The following TLL2 variants were observed in gnomAD, a reference collection of about 807,000 sequenced individuals.
TLL2 encodes tolloid-like protein 2.
Under a neutral mutation model 123.0 loss-of-function variants are expected in TLL2, and 106 were observed. That is an observed-to-expected ratio of 0.86 (90% confidence interval 0.74 to 1.01). The LOEUF is 1.01. Ranked by LOEUF, TLL2 falls within the 50% of genes least tolerant of loss-of-function variation. TLL2 has a pLI of 0.00. For synonymous variants in TLL2, 494 were observed against 516.8 expected (o/e 0.96, Z 0.60); for missense variants, 1,332 against 1,336.7 (o/e 1.00, Z 0.06).
At chr10:96,495,927 G>A (rs1246135290) in intron 1 of TLL2, among the ~76,000 whole-genome samples, 1 of 152,114 alleles carries the variant, frequency 6.6e-6, no homozygotes, top group Non-Finnish European at 1.5e-5. Flanking sequence ...AAACAGATTT[G>A]GTGCAAGTTT....
At chr10:96,390,666 G>A (rs1846278290) in intron 13 of TLL2, among the ~76,000 whole-genome samples, 1 of 152,242 alleles carries the variant, frequency 6.6e-6, no homozygotes, top group African/African-American at 2.4e-5. Flanking sequence ...TTCTTTCACT[G>A]GAGAAGTTCT....
At chr10:96,419,455 G>A (rs1846598598) in intron 7 of TLL2, among the ~76,000 whole-genome samples, 1 of 151,510 alleles carries the variant, frequency 6.6e-6, no homozygotes, top group South Asian at 2.1e-4. Context: ...CTAGAACCCG[G>A]CTTCTGCCTC....
intron 13 of TLL2, among the ~76,000 whole-genome samples, chr10:96,392,613 G>A (rs369274665): frequency 5.1e-4 from 77 of 152,280 alleles, no homozygotes; most frequent in African/African-American, 1.8e-3. Flanking sequence ...CCAGCTTACA[G>A]AACCTGGGGT....
At chr10:96,393,691 G>A (rs1846310918) in intron 13 of TLL2, among the ~76,000 whole-genome samples, 1 of 151,832 alleles carries the variant, frequency 6.6e-6, no homozygotes. Flanking sequence ...AAGCTGACCT[G>A]CTTTCAAAAT....
Position 96,513,706 on chromosome 10 carries a change from G to T in TLL2, c.-21C>A. 6.7e-7 allele frequency: 1 copy of T among 1,487,498 alleles called. No individual in the cohort carries two copies. The highest frequency in any genetic ancestry group is 2.4e-4 in the Middle Eastern group (1 of 4,238). The allele number at this position is 1,487,498 out of a possible 1,614,324, so 92.1% of individuals were successfully genotyped here. A position where few individuals can be genotyped will look rare whatever the true frequency, so the allele number is the denominator to read the frequency against. ...GGCATGGTGGCGCGGGGCCGGCTGG[G>T]GCAGAGGGAGTTGCGTGCACGAAAG... On this transcript the variant is annotated 5_prime_UTR_variant, in exon 1 of 21. Coordinates refer to ENST00000357947, the MANE Select transcript of TLL2 (RefSeq NM_012465.4).
chr10:96,440,647 A>T (rs1374678951), intron 3 of TLL2, among the ~76,000 whole-genome samples: 1 of 152,232 alleles, frequency 6.6e-6, no homozygotes, highest in Non-Finnish European at 1.5e-5. Flanking sequence ...GCTGTGCTGC[A>T]TATACATGTG....
chr10:96,465,550 CAGA>C (rs1242446638), intron 2 of TLL2, among the ~76,000 whole-genome samples: 1 of 152,178 alleles, frequency 6.6e-6, no homozygotes, highest in South Asian at 2.1e-4. Flanking sequence ...AAAGAGGCAC[CAGA>C]AGAAGGATCT....
At chr10:96,411,078 C>A (rs2134070376) in intron 8 of TLL2, among the ~76,000 whole-genome samples, 1 of 151,952 alleles carries the variant, frequency 6.6e-6, no homozygotes, top group African/African-American at 2.4e-5. Flanking sequence ...CCCATCTCTA[C>A]TAAAAATACA....
At chr10:96,389,473 C>A (rs752560072) in intron 13 of TLL2, among the ~76,000 whole-genome samples, 2 of 151,958 alleles carry the variant, frequency 1.3e-5, no homozygotes, top group Non-Finnish European at 2.9e-5. Context: ...GGAAGGGAGA[C>A]AAGGCAAGAA....
intron 2 of TLL2, among the ~76,000 whole-genome samples, chr10:96,474,524 C>T (rs1221402687): frequency 1.3e-5 from 2 of 152,090 alleles, no homozygotes; most frequent in Non-Finnish European, 2.9e-5. Flanking sequence ...AGAACAGAGG[C>T]TGTAAGGAAG....
At chr10:96,371,069 C>G (rs1261198182) in intron 19 of TLL2, among the ~76,000 whole-genome samples, 2 of 152,142 alleles carry the variant, frequency 1.3e-5, no homozygotes, top group Non-Finnish European at 2.9e-5. Flanking sequence ...TGCCTGTAAT[C>G]CCAACATTTT....
chr10:96,386,569 C>T (rs923730298), intron 14 of TLL2, among the ~76,000 whole-genome samples: 3 of 152,186 alleles, frequency 2.0e-5, no homozygotes, highest in Admixed American at 6.5e-5. Context: ...GATTCATGCA[C>T]GTGGACAAGG....
At chr10:96,485,147 T>C (rs1371949084) in intron 1 of TLL2, among the ~76,000 whole-genome samples, 2 of 152,176 alleles carry the variant, frequency 1.3e-5, no homozygotes, top group Non-Finnish European at 2.9e-5. Context: ...AGTGAATCAA[T>C]GACCTAAATG....
chr10:96,429,899 C>T (rs1389047029), intron 4 of TLL2, among the ~76,000 whole-genome samples: 1 of 152,026 alleles, frequency 6.6e-6, no homozygotes, highest in Non-Finnish European at 1.5e-5. Flanking sequence ...CTGACAGTTA[C>T]GTATAGTCAG....
chr10:96,413,935 C>T (rs1264509376), intron 7 of TLL2, among the ~76,000 whole-genome samples: 1 of 152,190 alleles, frequency 6.6e-6, no homozygotes, highest in Admixed American at 6.5e-5. Flanking sequence ...CCCTTCCCCT[C>T]TCTGAGCCTC....
chr10:96,417,095 T>C (rs889361166), intron 7 of TLL2, among the ~76,000 whole-genome samples: 2 of 151,912 alleles, frequency 1.3e-5, no homozygotes, highest in African/African-American at 4.8e-5. Context: ...AAGGATTGAG[T>C]TTCCCATCAG....
chr10:96,423,764 T>C (rs889293375), intron 5 of TLL2, among the ~76,000 whole-genome samples: 1 of 152,206 alleles, frequency 6.6e-6, no homozygotes, highest in Admixed American at 6.5e-5. Context: ...ATATACTCAC[T>C]AGTAAGATAT....
At position 96,498,186 on chromosome 10, in the gene TLL2, T is replaced by C. The variant is rs564338074; in HGVS notation, c.175+15325A>G. ...TATGCAGGACTCATTCTGAAGACAA[T>C]GGCCATGGGAGACCCTAAGTCGCAG... On this transcript the variant is annotated intron_variant, in intron 1 of 20. Coordinates refer to ENST00000357947, the MANE Select transcript of TLL2 (RefSeq NM_012465.4). Among the ~76,000 whole-genome samples, 9 of 152,230 alleles carry C rather than the reference T, an allele frequency of 5.9e-5. No homozygotes were observed. In the East Asian group the frequency reaches 1.7e-3, roughly 29 times the overall value.
chr10:96,400,354 C>A, intron 10 of TLL2, among the ~76,000 whole-genome samples: 2 of 68,116 alleles, frequency 2.9e-5, no homozygotes, highest in East Asian at 5.1e-4. Flanking sequence ...CCACTACTAC[C>A]ATCAAAAAAA....
Sources: allele counts gnomAD v4.1 joint callset (sites outside exome capture counted in the v4.1 genomes callset), GRCh38; gene constraint gnomAD v4.1.1; transcripts MANE v1.5; gene names NCBI Gene and HGNC (gene_info 2026-07-23, HGNC 2026-07-21).